Variants in SF3A1 observed in about 807,000 individuals in gnomAD.
SF3A1 encodes SAP 114.
SF3A1 carries 13 observed loss-of-function variants against 89.9 expected under a neutral mutation model. The observed-to-expected ratio is 0.14, with a 90% confidence interval of 0.09 to 0.23. The LOEUF is 0.23. Among genes scored for constraint, SF3A1 ranks in the 10% least tolerant of loss-of-function variants. SF3A1 has a pLI of 1.00. For synonymous variants in SF3A1, 405 were observed against 374.4 expected, an observed-to-expected ratio of 1.08 and a Z score of -0.94; for missense variants, 604 against 1,022.1, an observed-to-expected ratio of 0.59 and a Z score of 5.58.
intron 2 of SF3A1, 162 bp downstream of exon 2, chr22:30,352,789 A>T: frequency 1.4e-6 from 1 of 693,272 alleles, no homozygotes; most frequent in Non-Finnish European, 2.4e-6. Context: ...TGTGTCAGGG[A>T]CACCAGTCCT....
chr22:30,340,871 G>A (rs1416394398), intron 7 of SF3A1, 59 bp from the exon 8 acceptor site: 2 of 969,904 alleles, frequency 2.1e-6, no homozygotes, highest in Middle Eastern at 2.1e-4. Flanking sequence ...CCCTGTAGCT[G>A]AGCCTGGCAG....
At chr22:30,341,932 C>T (rs1337327426) in intron 6 of SF3A1, 47 bp from the exon 7 acceptor site, 27 of 1,568,930 alleles carry the variant, frequency 1.7e-5, no homozygotes, top group Non-Finnish European at 2.3e-5. Flanking sequence ...AAAGACCCAC[C>T]TATTTGCCCT....
intron 1 of SF3A1, among the ~76,000 whole-genome samples, chr22:30,353,800 G>A (rs1931674820): frequency 6.6e-6 from 1 of 151,960 alleles, no homozygotes; most frequent in African/African-American, 2.4e-5. Context: ...TCCGGTGTCT[G>A]AGGAGTTTTG....
intron 4 of SF3A1, among the ~76,000 whole-genome samples, chr22:30,344,226 C>T (rs1328599214): frequency 6.6e-6 from 1 of 152,208 alleles, no homozygotes; most frequent in East Asian, 1.9e-4. Context: ...AACTTCACTG[C>T]ACCTCAATTT....
rs1040544020 is a variant in SF3A1, at chr22:30,334,487, C to A, written c.*107G>T. On this transcript the variant is annotated 3_prime_UTR_variant, in exon 16 of 16. Transcript: ENST00000215793. Reference sequence around the variant, plus strand: ...ATTCCCAAACTGAGTAAGAGCGAAACAAATATGCAGGCAAGGCAAAGCCTC... The same window carrying A: ...ATTCCCAAACTGAGTAAGAGCGAAAAAAATATGCAGGCAAGGCAAAGCCTC... 8.9e-6 allele frequency: 6 copies of A among 672,208 alleles called. No homozygotes were observed. Among genetic ancestry groups the A allele is most frequent in the East Asian group, 2.9e-5 (1 of 34,108 alleles). 41.6% of individuals were successfully genotyped at this position (672,208 alleles called of 1,614,324 possible). A position where few individuals can be genotyped will look rare whatever the true frequency, so the allele number is the denominator to read the frequency against.
intron 4 of SF3A1, among the ~76,000 whole-genome samples, chr22:30,344,285 C>T (rs1382164976): frequency 1.3e-5 from 2 of 152,220 alleles, no homozygotes; most frequent in East Asian, 3.9e-4. Flanking sequence ...TATAGGCTAC[C>T]GGAGATTAAA....
rs1260217293 is a variant in SF3A1, at chr22:30,332,807, A to G, written c.*1787T>C. ...AGCTCAAAGGGCCCATTCACTCACA[A>G]TCCACCCAACGGCATTCCTGGCCTC... On this transcript the variant is annotated 3_prime_UTR_variant, in exon 16 of 16. Coordinates refer to ENST00000215793, the MANE Select transcript of SF3A1 (RefSeq NM_005877.6). The G allele has an allele frequency of 6.6e-6, 1 of 152,162 alleles. No individual in the cohort carries two copies. The highest frequency in any genetic ancestry group is 1.9e-4 in the East Asian group (1 of 5,196). The allele number at this position is 152,162 out of a possible 1,614,324, so 9.4% of individuals were successfully genotyped here.
At position 30,356,863 on chromosome 22, in the gene SF3A1, G is replaced by C; in HGVS notation, c.-71C>G. Reference sequence around the variant, plus strand: ...GGTGCCGCCTCAAGACAGCCTCCCCGCTCGGTCAGTACGACGAGCTCGCAA... The same window carrying C: ...GGTGCCGCCTCAAGACAGCCTCCCCCCTCGGTCAGTACGACGAGCTCGCAA... On this transcript the variant is annotated 5_prime_UTR_variant, in exon 1 of 16. Transcript: ENST00000215793. 8.1e-7 allele frequency: 1 copy of C among 1,227,034 alleles called. No individual in the cohort carries two copies. The highest frequency in any genetic ancestry group is 1.0e-6 in the Non-Finnish European group (1 of 965,058). 76.0% of individuals were successfully genotyped at this position (1,227,034 alleles called of 1,614,324 possible).
At position 30,340,993 on chromosome 22, in the gene SF3A1, A is replaced by C. The variant is rs183037830; in HGVS notation, c.1072-181T>G. 6.8e-4 allele frequency among the ~76,000 whole-genome samples: 103 copies of C among 152,134 alleles called. 1 individual carries two copies. Among genetic ancestry groups the C allele is most frequent in the African/African-American group, 2.4e-3 (101 of 41,498 alleles). ...GGCCAAGCTGCTTCCTCACAGCATGAATGGGAGTGCTGAGGCCACGGTCCT... is the reference window on the plus strand; with the variant it reads ...GGCCAAGCTGCTTCCTCACAGCATGCATGGGAGTGCTGAGGCCACGGTCCT... On this transcript the variant is annotated intron_variant, in intron 7 of 15. Transcript: ENST00000215793.
Position 30,339,049 on chromosome 22 carries a change from A to G in SF3A1, c.1498-15T>C. On this transcript the variant is annotated splice_polypyrimidine_tract_variant and intron_variant, in intron 10 of 15. Transcript: ENST00000215793. Reference sequence around the variant, plus strand: ...TCCCAGGTCACCTGCAAGTGAAAGCAAAGCCACAATGCTTCTGGAACTAAG... The same window carrying G: ...TCCCAGGTCACCTGCAAGTGAAAGCGAAGCCACAATGCTTCTGGAACTAAG... The G allele has an allele frequency of 1.9e-6, 3 of 1,613,974 alleles. No homozygotes were observed. Among genetic ancestry groups the G allele is most frequent in the Non-Finnish European group, 2.5e-6 (3 of 1,179,994 alleles).
At position 30,334,536 on chromosome 22, in the gene SF3A1, A is replaced by G. The variant is rs1931008841; in HGVS notation, c.*58T>C. The G allele has an allele frequency of 9.2e-7, 1 of 1,089,590 alleles. No homozygotes were observed. Among genetic ancestry groups the G allele is most frequent in the Non-Finnish European group, 1.3e-6 (1 of 755,776 alleles). The allele number at this position is 1,089,590 out of a possible 1,614,324, so 67.5% of individuals were successfully genotyped here. On this transcript the variant is annotated 3_prime_UTR_variant, in exon 16 of 16. Coordinates refer to ENST00000215793, the MANE Select transcript of SF3A1 (RefSeq NM_005877.6). ...TCAGGGGGGCTCCTGGGTCTGGGGC[A>G]GGGGGTGGGAGACAGGAGAGGCAAA... is the stretch of plus-strand genomic sequence containing the variant.
At chr22:30,349,264 A>G (rs940126846) in intron 2 of SF3A1, among the ~76,000 whole-genome samples, 8 of 152,314 alleles carry the variant, frequency 5.3e-5, no homozygotes, top group African/African-American at 1.9e-4. Context: ...AATGTAAACG[A>G]TAAGTTCACA....
chr22:30,342,632 A>G (rs1169164891), intron 5 of SF3A1, 173 bp downstream of exon 5: 3 of 627,682 alleles, frequency 4.8e-6, no homozygotes, highest in South Asian at 3.9e-5. Flanking sequence ...AAGTTGTGGT[A>G]TGTTGGGAAG....
chr22:30,348,515 T>C (rs4820005), intron 2 of SF3A1, among the ~76,000 whole-genome samples: 30,604 of 152,062 alleles, frequency 0.2, 3,333 homozygotes, highest in Middle Eastern at 0.35. Flanking sequence ...TTAAGACAGA[T>C]GGCAGGAGAC....
At chr22:30,354,855 T>G (rs1931716054) in intron 1 of SF3A1, among the ~76,000 whole-genome samples, 1 of 152,110 alleles carries the variant, frequency 6.6e-6, no homozygotes, top group Non-Finnish European at 1.5e-5. Flanking sequence ...GCCCAAGAAT[T>G]CAAGGCTGCA....
intron 11 of SF3A1, among the ~76,000 whole-genome samples, chr22:30,338,452 T>C: frequency 2.3e-5 from 3 of 128,816 alleles, no homozygotes; most frequent in Non-Finnish European, 3.2e-5. Context: ...GAGCAAAACT[T>C]CATCTCAAAA....
intron 3 of SF3A1, chr22:30,346,096 G>C: frequency 1.8e-6 from 1 of 567,258 alleles, no homozygotes; most frequent in Admixed American, 3.2e-5. Flanking sequence ...GACTCCTGAA[G>C]TACCAAGCAC....
At chr22:30,347,297 T>C (rs558928022) in intron 2 of SF3A1, among the ~76,000 whole-genome samples, 61 of 152,216 alleles carry the variant, frequency 4.0e-4, no homozygotes, top group Non-Finnish European at 6.5e-4. Context: ...ACCCTGTCTT[T>C]AAGAAACAAA....
Position 30,341,905 on chromosome 22 carries a change from C to A in SF3A1, c.878-20G>T. 6.2e-7 allele frequency: 1 copy of A among 1,604,984 alleles called. No homozygotes were observed. The highest frequency in any genetic ancestry group is 8.5e-7 in the Non-Finnish European group (1 of 1,177,570). On this transcript the variant is annotated intron_variant, in intron 6 of 15. Transcript: ENST00000215793. ...AGTTCCCTAGAGGGTGAGCCAGAGG[C>A]AAAGGTATTCCTTATCAAAGACCCA...
Sources: gnomAD v4.1 joint callset for allele counts (sites outside exome capture counted in the v4.1 genomes callset) on GRCh38, gnomAD v4.1.1 for gene constraint, MANE v1.5 for transcripts, NCBI Gene and HGNC (gene_info 2026-07-23, HGNC 2026-07-21) for gene names.